The following SS18L2 variants were observed in gnomAD, a reference collection of about 807,000 sequenced individuals.
SS18L2 encodes the protein SS18 like 2.
A neutral mutation model predicts 10.3 loss-of-function variants in SS18L2; 8 were observed. The observed-to-expected ratio is 0.78, with a 90% CI of 0.46 to 1.41. The LOEUF is 1.41. Among genes scored for constraint, SS18L2 ranks in the 40% most tolerant of loss-of-function variants. The pLI is 0.00. For missense variants in SS18L2, 100 were observed against 96.2 expected, an observed-to-expected ratio of 1.04 and a Z score of -0.17; for synonymous variants, 41 against 34.6, an observed-to-expected ratio of 1.19 and a Z score of -0.65.
rs2125742579 is a variant in SS18L2, at chr3:42,594,646, T to C, written c.*137T>C. ...ACATGAATGAAACCTCTGTGGCTCT[T>C]TCGAAACGTGAAAATGTGAAGAAAG... is the stretch of plus-strand genomic sequence containing the variant. On this transcript the variant is annotated 3_prime_UTR_variant, in exon 3 of 3. Transcript: ENST00000011691. The C allele has an allele frequency of 1.5e-6, 1 of 653,162 alleles. No homozygotes were observed. Among genetic ancestry groups the C allele is most frequent in the Non-Finnish European group, 2.6e-6 (1 of 384,474 alleles). 40.5% of individuals were successfully genotyped at this position (653,162 alleles called of 1,614,324 possible). A position where few individuals can be genotyped will look rare whatever the true frequency, so the allele number is the denominator to read the frequency against.
upstream of SS18L2, among the ~76,000 whole-genome samples, chr3:42,586,511 C>T (rs1704613734): frequency 2.6e-5 from 4 of 152,040 alleles, no homozygotes; most frequent in South Asian, 8.3e-4. Flanking sequence ...GTGTGAGCCA[C>T]TGCACCCACC....
intron 1 of SS18L2, among the ~76,000 whole-genome samples, chr3:42,584,056 A>G (rs1218449743): frequency 6.6e-6 from 1 of 152,166 alleles, no homozygotes; most frequent in Non-Finnish European, 1.5e-5. Flanking sequence ...TAGATGGTCT[A>G]TTGTGGGACT....
chr3:42,592,644 T>G (rs1472073571), intron 2 of SS18L2, among the ~76,000 whole-genome samples: 1 of 152,280 alleles, frequency 6.6e-6, no homozygotes, highest in African/African-American at 2.4e-5. Flanking sequence ...TGGGTAAATC[T>G]TTACATCTGA....
upstream of SS18L2, among the ~76,000 whole-genome samples, chr3:42,589,108 C>CAA (rs35697413): frequency 1.4e-4 from 21 of 145,574 alleles, no homozygotes; most frequent in South Asian, 4.3e-4. Context: ...ACTAAAGATA[C>CAA]AAAAAAAAAA....
intron 2 of SS18L2, among the ~76,000 whole-genome samples, chr3:42,594,150 ATAAAG>A (rs1421710759): frequency 6.6e-6 from 1 of 152,240 alleles, no homozygotes; most frequent in Non-Finnish European, 1.5e-5. Context: ...TATGTGGAGA[ATAAAG>A]TAGGTGCGCA....
At chr3:42,582,342 C>A (rs1409059636) in intron 1 of SS18L2, 1 of 152,344 alleles carries the variant, frequency 6.6e-6, no homozygotes, top group Non-Finnish European at 1.5e-5. Flanking sequence ...ACGCCCGGGG[C>A]GTATGTTCTG....
chr3:42,586,305 C>G (rs1704606460), upstream of SS18L2, among the ~76,000 whole-genome samples: 1 of 152,166 alleles, frequency 6.6e-6, no homozygotes, highest in Non-Finnish European at 1.5e-5. Flanking sequence ...TTACTGCAAC[C>G]TCTGCCTGCC....
chr3:42,587,124 T>C (rs1238207106), upstream of SS18L2, among the ~76,000 whole-genome samples: 1 of 152,228 alleles, frequency 6.6e-6, no homozygotes, highest in Non-Finnish European at 1.5e-5. Context: ...CTTGTCACTG[T>C]TCTTTTTGTT....
In SS18L2 at chr3:42,591,551, C is replaced by T. The variant is rs1234424586; in HGVS notation, c.96C>T (p.Ile32=). ...TCCTTGAGGAGAATGACCAGCTGATCCGCTGTATTGTGGAGTATCAGAACA... is the reference window on the plus strand; with the variant it reads ...TCCTTGAGGAGAATGACCAGCTGATTCGCTGTATTGTGGAGTATCAGAACA... ...QRLLEENDQL[I]RCIVEYQNKG... is the part of the protein sequence containing the mutation. Residue 32 remains isoleucine (I), a synonymous_variant, in exon 2 of 3, where the codon ATC becomes ATT. Transcript: ENST00000011691. 1.2e-6 allele frequency: 2 copies of T among 1,613,926 alleles called. No individual in the cohort carries two copies. Among genetic ancestry groups the T allele is most frequent in the South Asian group, 1.1e-5 (1 of 91,074 alleles).
upstream of SS18L2, among the ~76,000 whole-genome samples, chr3:42,590,284 G>A (rs1192119675): frequency 6.6e-6 from 1 of 152,194 alleles, no homozygotes; most frequent in Non-Finnish European, 1.5e-5. Flanking sequence ...GAGTGATGTA[G>A]AGAGGACAAT....
At chr3:42,585,607 G>A (rs1704584538) in intron 1 of SS18L2, among the ~76,000 whole-genome samples, 1 of 152,002 alleles carries the variant, frequency 6.6e-6, no homozygotes, top group African/African-American at 2.4e-5. Flanking sequence ...GAGAGTTCAG[G>A]GTTTATCACC....
At chr3:42,591,217 TGAG>T in intron 1 of SS18L2, 2 of 583,152 alleles carry the variant, frequency 3.4e-6, no homozygotes, top group Non-Finnish European at 6.1e-6. Flanking sequence ...TTTTTTTTTT[TGAG>T]ACGGAGTCCC....
At chr3:42,590,808 G>A, upstream of SS18L2, 2 of 1,342,370 alleles carry the variant, frequency 1.5e-6, no homozygotes, top group South Asian at 1.2e-5. Context: ...CCGCCCTGTA[G>A]GCGGGAGCAT....
chr3:42,583,919 A>G (rs1704520459), intron 1 of SS18L2, among the ~76,000 whole-genome samples: 1 of 152,244 alleles, frequency 6.6e-6, no homozygotes, highest in East Asian at 1.9e-4. Context: ...GTGGTTCCCC[A>G]GGTTCTCCCG....
At chr3:42,588,536 G>C (rs1413860513), upstream of SS18L2, among the ~76,000 whole-genome samples, 1 of 152,168 alleles carries the variant, frequency 6.6e-6, no homozygotes. Flanking sequence ...AGATCTTTGT[G>C]TGTATATATA....
In SS18L2 at chr3:42,594,770, C is replaced by T. The variant is rs1704982350; in HGVS notation, c.*261C>T. On this transcript the variant is annotated 3_prime_UTR_variant, in exon 3 of 3. Transcript: ENST00000011691. Reference sequence around the variant, plus strand: ...GGTGTCCTCTTTCCTGAACTTGGAGCATGTTTGGATAACAAAGACATCACT... The same window carrying T: ...GGTGTCCTCTTTCCTGAACTTGGAGTATGTTTGGATAACAAAGACATCACT... 7 of 302,246 alleles carry T rather than the reference C, an allele frequency of 2.3e-5. No individual in the cohort carries two copies. In the South Asian group the frequency reaches 4.0e-4, roughly 17 times the overall value. The allele number at this position is 302,246 out of a possible 1,614,324, so 18.7% of individuals were successfully genotyped here.
Position 42,585,269 on chromosome 3 carries a change from T to C in SS18L2, c.-90+3311T>C, listed in dbSNP as rs144987070. Among the ~76,000 whole-genome samples the C allele has an allele frequency of 8.0e-3, 1,224 of 152,304 alleles. 11 individuals carry two copies. Among genetic ancestry groups the C allele is most frequent in the African/African-American group, 0.028 (1,148 of 41,564 alleles). ...GGTGTGGTTCAGGCACCATGGTAGATTGGACAACAGGGGTGAGATGTAGTA... is the reference window on the plus strand; with the variant it reads ...GGTGTGGTTCAGGCACCATGGTAGACTGGACAACAGGGGTGAGATGTAGTA... On this transcript the variant is annotated intron_variant, in intron 1 of 3. Transcript: ENST00000447630.
upstream of SS18L2, among the ~76,000 whole-genome samples, chr3:42,590,585 C>CAAAAAAAAAAAAAAA (rs1211821938): frequency 7.4e-6 from 1 of 134,856 alleles, no homozygotes; most frequent in Non-Finnish European, 1.6e-5. Context: ...GACTCCATCT[C>CAAAAAAAAAAAAAAA]AAAAAAAAAA....
At chr3:42,591,355 C>T in intron 1 of SS18L2, 170 bp from the exon 2 acceptor site, 1 of 606,770 alleles carries the variant, frequency 1.6e-6, no homozygotes, top group Non-Finnish European at 2.9e-6. Context: ...CGCGACGCCA[C>T]TCCCGGCTAA....
Sources: allele counts gnomAD v4.1 joint callset (sites outside exome capture counted in the v4.1 genomes callset), GRCh38; gene constraint gnomAD v4.1.1; transcripts MANE v1.5; gene names NCBI Gene and HGNC (gene_info 2026-07-23, HGNC 2026-07-21).